STK10: variants seen among roughly 807,000 people sequenced by gnomAD.
STK10 encodes serine/threonine-protein kinase 10.
A neutral mutation model predicts 113.8 loss-of-function variants in STK10; 78 were observed. That is an observed-to-expected ratio of 0.69 (90% CI 0.57 to 0.83). The LOEUF (loss-of-function observed/expected upper bound fraction) is 0.83, where lower values mean the gene tolerates loss of function less well. STK10 is among the 40% of genes least tolerant of loss of function. The probability of loss-of-function intolerance (pLI) is 0.00; values close to 1 mark genes in which losing one functional copy is unlikely to be tolerated. For synonymous variants in STK10, 465 were observed against 494.7 expected (o/e 0.94, Z 0.80); for missense variants, 1,109 against 1,280.1 (o/e 0.87, Z 2.04).
chr5:172,178,708 T>C (rs1465377396), intron 1 of STK10, among the ~76,000 whole-genome samples: 2 of 152,220 alleles, frequency 1.3e-5, no homozygotes, highest in African/African-American at 4.8e-5. Flanking sequence ...CCCTGGCTTC[T>C]CTGACTGAAA....
chr5:172,161,222 T>C (rs1770463002), intron 1 of STK10, among the ~76,000 whole-genome samples: 1 of 152,004 alleles, frequency 6.6e-6, no homozygotes, highest in South Asian at 2.1e-4. Context: ...GAAGCTGAGA[T>C]GGGTGGATTG....
chr5:172,142,038 C>G (rs761652188), intron 2 of STK10, among the ~76,000 whole-genome samples: 5 of 152,202 alleles, frequency 3.3e-5, no homozygotes, highest in Non-Finnish European at 7.3e-5. Flanking sequence ...AGTGAAAAAA[C>G]AGTTTCCATC....
At chr5:172,113,913 CAAA>C (rs11382952) in intron 4 of STK10, among the ~76,000 whole-genome samples, 4 of 122,242 alleles carry the variant, frequency 3.3e-5, no homozygotes, top group Non-Finnish European at 3.6e-5. Flanking sequence ...AACTCCATCT[CAAA>C]AAAAAAAAAA....
At chr5:172,065,305 T>C (rs1768045115) in intron 12 of STK10, among the ~76,000 whole-genome samples, 1 of 151,180 alleles carries the variant, frequency 6.6e-6, no homozygotes, top group Non-Finnish European at 1.5e-5. Flanking sequence ...TTTTTTTTTT[T>C]TTTTTTTGAG....
chr5:172,068,339 CA>C (rs61021036), intron 12 of STK10, among the ~76,000 whole-genome samples: 21 of 142,800 alleles, frequency 1.5e-4, no homozygotes, highest in East Asian at 6.1e-4. Flanking sequence ...GACTCTGTCT[CA>C]AAAAAAAAAA....
intron 12 of STK10, among the ~76,000 whole-genome samples, chr5:172,078,478 A>AC (rs1009956542): frequency 4.6e-5 from 7 of 151,800 alleles, no homozygotes; most frequent in Non-Finnish European, 7.4e-5. Context: ...AGTAAGTGAG[A>AC]CCCCTATTCC....
At chr5:172,046,060 T>A (rs894265807) in intron 18 of STK10, among the ~76,000 whole-genome samples, 2 of 151,702 alleles carry the variant, frequency 1.3e-5, no homozygotes, top group Non-Finnish European at 2.9e-5. Context: ...AAAGTGGACA[T>A]CTTTTAAACA....
At chr5:172,140,354 C>T (rs968539845) in intron 2 of STK10, among the ~76,000 whole-genome samples, 2 of 152,128 alleles carry the variant, frequency 1.3e-5, no homozygotes, top group Non-Finnish European at 1.5e-5. Flanking sequence ...GTATACAAAA[C>T]GGTGCAGCTG....
At chr5:172,069,545 G>C (rs60203644) in intron 12 of STK10, among the ~76,000 whole-genome samples, 27,318 of 152,118 alleles carry the variant, frequency 0.18, 2,745 homozygotes, top group East Asian at 0.37. Flanking sequence ...CTTGAGCCCA[G>C]GAGTTTGAGG....
chr5:172,180,334 G>A (rs188855156), intron 1 of STK10, among the ~76,000 whole-genome samples: 20 of 151,564 alleles, frequency 1.3e-4, no homozygotes, highest in African/African-American at 4.4e-4. Flanking sequence ...GCATGGTGGC[G>A]GGCGCCTGTA....
intron 10 of STK10, among the ~76,000 whole-genome samples, chr5:172,086,272 G>A (rs550023518): frequency 1.3e-5 from 2 of 152,310 alleles, no homozygotes; most frequent in South Asian, 2.1e-4. Flanking sequence ...AGCCAGAGGC[G>A]CTTTCTACAG....
intron 2 of STK10, among the ~76,000 whole-genome samples, chr5:172,136,684 G>A (rs969770633): frequency 6.6e-6 from 1 of 152,128 alleles, no homozygotes; most frequent in Non-Finnish European, 1.5e-5. Context: ...AAAAATAAGA[G>A]GAGGAATGTG....
intron 12 of STK10, among the ~76,000 whole-genome samples, chr5:172,065,503 G>A (rs112653855): frequency 0.011 from 1,616 of 152,218 alleles, 32 homozygotes; most frequent in African/African-American, 0.036. Context: ...GGGATTACAG[G>A]CATGTGCCAC....
At position 172,082,334 on chromosome 5, in the gene STK10, T is replaced by C; in HGVS notation, c.1981A>G (p.Lys661Glu). Residue 661 changes from lysine to glutamate, a missense_variant, in exon 12 of 19, where the codon AAG (lysine) becomes GAG (glutamate). Transcript: ENST00000176763. This position sits in a 1 kb window ranked among gnomAD's most constrained non-coding sequence, Gnocchi z 4.3. ...TRFQEQLKLM[K>E]KEVKNEVEKL... is the part of the protein sequence containing the mutation. ...ACTGAGCACATACTCACCTCTTTCTTCATCAGTTTGAGCTGCTCTTGGAAC... is the reference window on the plus strand; with the variant it reads ...ACTGAGCACATACTCACCTCTTTCTCCATCAGTTTGAGCTGCTCTTGGAAC... The C allele has an allele frequency of 6.4e-7, 1 of 1,560,982 alleles. No individual in the cohort carries two copies. Among genetic ancestry groups the C allele is most frequent in the Non-Finnish European group, 8.6e-7 (1 of 1,156,320 alleles).
At chr5:172,149,291 GCTGCCTCCTTCCTTTTGTTACCACCCC>G (rs1238695957) in intron 2 of STK10, among the ~76,000 whole-genome samples, 1 of 152,216 alleles carries the variant, frequency 6.6e-6, no homozygotes, top group Middle Eastern at 3.2e-3. Context: ...TCATCATGTT[GCTGCCTCCTTCCTTTTGTTACCACCCC>G]CTGCCTCCTG....
chr5:172,162,893 A>C (rs942544413), intron 1 of STK10, among the ~76,000 whole-genome samples: 1 of 152,232 alleles, frequency 6.6e-6, no homozygotes, highest in Non-Finnish European at 1.5e-5. Context: ...CTTGCCCACC[A>C]TCCTGAAAGG....
At chr5:172,048,926 G>T (rs563632706) in intron 18 of STK10, among the ~76,000 whole-genome samples, 2 of 151,708 alleles carry the variant, frequency 1.3e-5, no homozygotes, top group African/African-American at 4.8e-5. Context: ...CAAGGTGTCC[G>T]GGCCTTTGCA....
At chr5:172,108,641 C>A (rs1273009627) in intron 4 of STK10, among the ~76,000 whole-genome samples, 1 of 150,056 alleles carries the variant, frequency 6.7e-6, no homozygotes, top group Middle Eastern at 3.2e-3. Context: ...AAAAATTAGC[C>A]AGGTGTGGTG....
chr5:172,109,289 G>A (rs1229144047), intron 4 of STK10, among the ~76,000 whole-genome samples: 1 of 151,718 alleles, frequency 6.6e-6, no homozygotes, highest in Non-Finnish European at 1.5e-5. Flanking sequence ...CTATGATAAA[G>A]TGTATTATTT....
Sources: gnomAD v4.1 joint callset for allele counts (sites outside exome capture counted in the v4.1 genomes callset) on GRCh38, gnomAD v4.1.1 for gene constraint, Gnocchi (gnomAD v3.1) non-coding constraint, MANE v1.5 for transcripts, NCBI Gene and HGNC (gene_info 2026-07-23, HGNC 2026-07-21) for gene names.